PCLO: variants seen among roughly 807,000 people sequenced by gnomAD.
The protein encoded by PCLO is protein piccolo.
PCLO carries 82 observed loss-of-function variants against 427.5 expected under a neutral mutation model. The ratio of observed to expected loss-of-function variants is 0.19; its 90% confidence interval spans 0.16 to 0.23. PCLO has a LOEUF of 0.23. Ranked by LOEUF, PCLO falls within the 10% of genes least tolerant of loss-of-function variation. The pLI is 1.00. For missense variants in PCLO, 6,239 were observed against 6,115.9 expected, an observed-to-expected ratio of 1.02 and a Z score of -0.67; for synonymous variants, 2,357 against 2,155.4, an observed-to-expected ratio of 1.09 and a Z score of -2.59.
At chr7:83,128,787 T>C (rs1003850555) in intron 3 of PCLO, among the ~76,000 whole-genome samples, 2 of 152,148 alleles carry the variant, frequency 1.3e-5, no homozygotes, top group African/African-American at 4.8e-5. Context: ...GAAAGGCAGA[T>C]AAATCATTTG....
At position 83,161,923 on chromosome 7, in the gene PCLO, T is replaced by C. The variant is rs537431716; in HGVS notation, c.248+422A>G. Reference sequence around the variant, plus strand: ...AGTTACAGAAATATTTAGACATCATTCACAGAGAAAAAGACCCGCAATGGC... The same window carrying C: ...AGTTACAGAAATATTTAGACATCATCCACAGAGAAAAAGACCCGCAATGGC... On this transcript the variant is annotated intron_variant, in intron 1 of 24. Coordinates refer to ENST00000333891, the MANE Select transcript of PCLO (RefSeq NM_033026.6). 4.2e-4 allele frequency among the ~76,000 whole-genome samples: 64 copies of C among 152,254 alleles called. 1 individual carries two copies. The highest frequency in any genetic ancestry group is 7.2e-4 in the Non-Finnish European group (49 of 68,020).
At chr7:82,877,760 C>A (rs1047260047) in intron 10 of PCLO, among the ~76,000 whole-genome samples, 1 of 152,044 alleles carries the variant, frequency 6.6e-6, no homozygotes, top group Non-Finnish European at 1.5e-5. Context: ...CCGCCTCCCA[C>A]GTTCAAGCCA....
chr7:82,996,307 T>C (rs1787612537), intron 3 of PCLO, among the ~76,000 whole-genome samples: 2 of 152,012 alleles, frequency 1.3e-5, no homozygotes, highest in African/African-American at 4.8e-5. Flanking sequence ...TTAATGGTTT[T>C]TTTATAAGAG....
chr7:82,762,748 G>C (rs1242484760), intron 22 of PCLO, among the ~76,000 whole-genome samples: 1 of 151,892 alleles, frequency 6.6e-6, no homozygotes, highest in Non-Finnish European at 1.5e-5. Context: ...AATTTCATTA[G>C]TGCATGGCTT....
chr7:82,908,489 A>G (rs1794245196), intron 8 of PCLO, among the ~76,000 whole-genome samples: 1 of 152,110 alleles, frequency 6.6e-6, no homozygotes, highest in Admixed American at 6.6e-5. Context: ...CGGTTTGGCC[A>G]TGCTCTCACT....
At position 82,755,558 on chromosome 7, in the gene PCLO, A is replaced by G. The variant is rs1790300589; in HGVS notation, c.*3017T>C. On this transcript the variant is annotated 3_prime_UTR_variant, in exon 25 of 25. Transcript: ENST00000333891. Reference sequence around the variant, plus strand: ...AACATCAGTCTCTGATGACTCAATGAAATTGTGGGAAAAACTGAGATGCTC... The same window carrying G: ...AACATCAGTCTCTGATGACTCAATGGAATTGTGGGAAAAACTGAGATGCTC... 1 of 152,088 alleles carries G rather than the reference A, an allele frequency of 6.6e-6. No individual in the cohort carries two copies. Among genetic ancestry groups the G allele is most frequent in the Admixed American group, 6.6e-5 (1 of 15,262 alleles). The allele number at this position is 152,088 out of a possible 1,614,324, so 9.4% of individuals were successfully genotyped here.
At position 82,758,387 on chromosome 7, in the gene PCLO, AC is replaced by A; in HGVS notation, c.*187del. ...CATTCTTCTTGTTTTCAGTATGTGA[AC>A]TTTTTCAGTTGAATATCTTTGTGTG... On this transcript the variant is annotated 3_prime_UTR_variant, in exon 25 of 25. Coordinates refer to ENST00000333891, the MANE Select transcript of PCLO (RefSeq NM_033026.6). The A allele has an allele frequency of 2.1e-6, 1 of 477,232 alleles. No individual in the cohort carries two copies. Among genetic ancestry groups the A allele is most frequent in the East Asian group, 3.2e-5 (1 of 31,442 alleles). 29.6% of individuals were successfully genotyped at this position (477,232 alleles called of 1,614,324 possible).
chr7:83,094,783 T>C (rs893793366), intron 3 of PCLO, among the ~76,000 whole-genome samples: 1 of 152,214 alleles, frequency 6.6e-6, no homozygotes, highest in Admixed American at 6.5e-5. Flanking sequence ...TATATGGTAC[T>C]TGCATGTTTA....
At chr7:83,105,282 A>T (rs574024429) in intron 3 of PCLO, among the ~76,000 whole-genome samples, 1 of 152,338 alleles carries the variant, frequency 6.6e-6, no homozygotes, top group African/African-American at 2.4e-5. Flanking sequence ...TTCTCAAATC[A>T]GAATATCCTC....
rs143277344 is a variant in PCLO, at chr7:83,008,212, G to T, written c.3301-41725C>A. Among the ~76,000 whole-genome samples the T allele has an allele frequency of 1.8e-3, 277 of 151,690 alleles. 3 individuals are homozygous for T. The highest frequency in any genetic ancestry group is 6.5e-3 in the African/African-American group (269 of 41,468). On this transcript the variant is annotated intron_variant, in intron 3 of 24. Coordinates refer to ENST00000333891, the MANE Select transcript of PCLO (RefSeq NM_033026.6). Reference sequence around the variant, plus strand: ...AATAAAGATTGTATATTAGCAATTTGTCCTCAAAGGAATTAACTATTTTTA... The same window carrying T: ...AATAAAGATTGTATATTAGCAATTTTTCCTCAAAGGAATTAACTATTTTTA...
In PCLO at chr7:82,826,730, T is replaced by G. The variant is rs150421299; in HGVS notation, c.14344-70A>C. ...ATACATTTTCATTACACACATACAG[T>G]AGACATATTTATTTTTTTCCTTAAA... On this transcript the variant is annotated intron_variant, in intron 17 of 24. Transcript: ENST00000333891. 4.7e-3 allele frequency: 4,138 copies of G among 872,632 alleles called. 128 individuals carry two copies. The Admixed American group carries it at 0.068, about 14-fold the overall frequency. The allele number at this position is 872,632 out of a possible 1,614,324, so 54.1% of individuals were successfully genotyped here.
At chr7:82,897,593 C>A (rs975138880) in intron 9 of PCLO, among the ~76,000 whole-genome samples, 1 of 151,316 alleles carries the variant, frequency 6.6e-6, no homozygotes, top group Non-Finnish European at 1.5e-5. Context: ...CATTTCAGGT[C>A]CTCCTACTAA....
chr7:82,860,522 T>C (rs1792926281), intron 10 of PCLO, among the ~76,000 whole-genome samples: 1 of 151,842 alleles, frequency 6.6e-6, no homozygotes, highest in Non-Finnish European at 1.5e-5. Flanking sequence ...AGCTGAGGGA[T>C]TTCAATACCA....
At chr7:82,886,433 G>C (rs1347847693) in intron 9 of PCLO, among the ~76,000 whole-genome samples, 1 of 146,968 alleles carries the variant, frequency 6.8e-6, no homozygotes, top group African/African-American at 2.4e-5. Flanking sequence ...TATCTATATA[G>C]AACAAAGTGC....
In PCLO at chr7:82,956,063, A is replaced by G. The variant is rs1351524869; in HGVS notation, c.4890T>C (p.His1630=). 1 of 1,612,600 alleles carries G rather than the reference A, an allele frequency of 6.2e-7. No individual in the cohort carries two copies. The highest frequency in any genetic ancestry group is 2.2e-5 in the East Asian group (1 of 44,880). ...DEDAGRRHSW[H]DEDDEAFDES... ...CATCAAATGCTTCATCGTCTTCATCATGCCATGAGTGACGTCTTCCTGCAT... is the reference window on the plus strand; with the variant it reads ...CATCAAATGCTTCATCGTCTTCATCGTGCCATGAGTGACGTCTTCCTGCAT... The change falls in exon 5 of 25, where the codon CAT becomes CAC. Residue 1630 remains histidine, a synonymous_variant. Coordinates refer to ENST00000333891, the MANE Select transcript of PCLO (RefSeq NM_033026.6).
intron 20 of PCLO, among the ~76,000 whole-genome samples, chr7:82,810,264 C>T (rs915017724): frequency 6.6e-6 from 1 of 151,598 alleles, no homozygotes; most frequent in Non-Finnish European, 1.5e-5. Context: ...TCTTCCAACT[C>T]TTTTAATTAG....
Position 82,982,344 on chromosome 7 carries a change from A to T in PCLO, c.3301-15857T>A, listed in dbSNP as rs1270098813. Among the ~76,000 whole-genome samples the T allele has an allele frequency of 5.3e-5, 8 of 152,132 alleles. No homozygotes were observed. In the East Asian group the frequency reaches 1.5e-3, roughly 29 times the overall value. ...ATGAGACTCAGGGAAGGCTTTTCAG[A>T]AGCAAGTGACAACTGAGTTGATCCA... On this transcript the variant is annotated intron_variant, in intron 3 of 24. Transcript: ENST00000333891.
chr7:82,783,576 C>A (rs1041096561), intron 22 of PCLO, among the ~76,000 whole-genome samples: 1 of 151,964 alleles, frequency 6.6e-6, no homozygotes, highest in Non-Finnish European at 1.5e-5. Context: ...GAGCTGAGAT[C>A]GCACCACTGA....
At chr7:82,819,688 T>C (rs1791749802) in intron 20 of PCLO, among the ~76,000 whole-genome samples, 1 of 152,170 alleles carries the variant, frequency 6.6e-6, no homozygotes, top group Admixed American at 6.6e-5. Flanking sequence ...AATTACCTAA[T>C]TTAGGAAACA....
Sources: gnomAD v4.1 joint callset for allele counts (sites outside exome capture counted in the v4.1 genomes callset) on GRCh38, gnomAD v4.1.1 for gene constraint, MANE v1.5 for transcripts, NCBI Gene and HGNC (gene_info 2026-07-23, HGNC 2026-07-21) for gene names.